HEXB: variants seen among roughly 807,000 people sequenced by gnomAD.
HEXB encodes the protein beta-hexosaminidase subunit beta.
A neutral mutation model predicts 71.2 loss-of-function variants in HEXB; 51 were observed. The ratio of observed to expected loss-of-function variants is 0.72; its 90% CI spans 0.57 to 0.90. The LOEUF (loss-of-function observed/expected upper bound fraction) is 0.90, where lower values mean the gene tolerates loss of function less well. HEXB is among the 40% of genes least tolerant of loss of function. HEXB has a pLI of 0.00. For missense variants in HEXB, 617 were observed against 677.0 expected, an observed-to-expected ratio of 0.91 and a Z score of 0.98; for synonymous variants, 266 against 249.3, an observed-to-expected ratio of 1.07 and a Z score of -0.63.
intron 1 of HEXB, among the ~76,000 whole-genome samples, chr5:74,662,843 C>T (rs1435750690): frequency 2.0e-5 from 3 of 152,110 alleles, no homozygotes; most frequent in African/African-American, 4.8e-5. Flanking sequence ...CAGAAACAAA[C>T]CTCATTTTAC....
intron 5 of HEXB, among the ~76,000 whole-genome samples, chr5:74,701,934 C>T (rs1446002178): frequency 1.3e-5 from 2 of 152,086 alleles, no homozygotes; most frequent in African/African-American, 4.8e-5. Flanking sequence ...ATCTAATACG[C>T]AGACCCCATT....
intron 1 of HEXB, among the ~76,000 whole-genome samples, chr5:74,674,369 C>T (rs960276649): frequency 6.6e-6 from 1 of 151,708 alleles, no homozygotes; most frequent in Non-Finnish European, 1.5e-5. Context: ...TTTGGGAGGC[C>T]GAGGCGGGCA....
chr5:74,692,888 A>C (rs1749034360), intron 2 of HEXB, among the ~76,000 whole-genome samples: 2 of 152,362 alleles, frequency 1.3e-5, no homozygotes, highest in South Asian at 4.1e-4. Flanking sequence ...CTAAAAGACT[A>C]AATGACTATT....
At chr5:74,660,077 AT>A (rs1197746570) in intron 1 of HEXB, among the ~76,000 whole-genome samples, 1 of 152,064 alleles carries the variant, frequency 6.6e-6, no homozygotes, top group East Asian at 1.9e-4. Flanking sequence ...TGTAAAAAAA[AT>A]AAATGAATAA....
At chr5:74,655,023 G>A (rs569983684) in intron 1 of HEXB, among the ~76,000 whole-genome samples, 1 of 152,276 alleles carries the variant, frequency 6.6e-6, no homozygotes, top group East Asian at 1.9e-4. Context: ...GGATCCCACA[G>A]GCACAGGAGC....
At chr5:74,713,989 C>T (rs750873070) in intron 7 of HEXB, among the ~76,000 whole-genome samples, 4 of 152,130 alleles carry the variant, frequency 2.6e-5, no homozygotes, top group Non-Finnish European at 5.9e-5. Context: ...TACAGGCGCC[C>T]GCCACCACGC....
chr5:74,716,707 G>A, intron 9 of HEXB, 34 bp downstream of exon 9: 1 of 1,305,340 alleles, frequency 7.7e-7, no homozygotes, highest in Non-Finnish European at 1.1e-6. Context: ...CTGTATTAAT[G>A]CTTTTTGTAA....
chr5:74,667,754 T>C (rs1748459975), intron 1 of HEXB, among the ~76,000 whole-genome samples: 1 of 152,160 alleles, frequency 6.6e-6, no homozygotes, highest in Admixed American at 6.5e-5. Context: ...GATCCAATCA[T>C]TCCCTAACCC....
In HEXB at chr5:74,721,282, G is replaced by A. The variant is rs564717043; in HGVS notation, c.*107G>A. On this transcript the variant is annotated 3_prime_UTR_variant, in exon 14 of 14. Coordinates refer to ENST00000261416, the MANE Select transcript of HEXB (RefSeq NM_000521.4). ...GTTTTTTGAATAAAATATTTTTATTGATTGAACCTTTGACCCTCTATCTTA... is the reference window on the plus strand; with the variant it reads ...GTTTTTTGAATAAAATATTTTTATTAATTGAACCTTTGACCCTCTATCTTA... 47 of 948,146 alleles carry A rather than the reference G, an allele frequency of 5.0e-5. No individual in the cohort carries two copies. In the East Asian group the frequency reaches 8.1e-4, roughly 16 times the overall value. 58.7% of individuals were successfully genotyped at this position (948,146 alleles called of 1,614,324 possible).
intron 2 of HEXB, chr5:74,689,695 A>G: frequency 1.7e-6 from 1 of 579,610 alleles, no homozygotes; most frequent in South Asian, 2.0e-5. Flanking sequence ...TAAATCACTC[A>G]TAATCCCAGC....
chr5:74,694,117 C>T (rs1749060729), intron 3 of HEXB, among the ~76,000 whole-genome samples: 1 of 152,166 alleles, frequency 6.6e-6, no homozygotes, highest in Non-Finnish European at 1.5e-5. Context: ...CTAGATCACA[C>T]CACTGCATTC....
chr5:74,684,350 G>A (rs766644324), upstream of HEXB, among the ~76,000 whole-genome samples: 2 of 152,300 alleles, frequency 1.3e-5, no homozygotes, highest in Non-Finnish European at 2.9e-5. Context: ...TTTATATCGG[G>A]ACCCACACAG....
In HEXB at chr5:74,652,679, C is replaced by G. The variant is rs75543690; in HGVS notation, c.-377+12121C>G. Among the ~76,000 whole-genome samples, 33 of 152,194 alleles carry G rather than the reference C, an allele frequency of 2.2e-4. No homozygotes were observed. In the East Asian group the frequency reaches 5.4e-3, roughly 25 times the overall value. The stretch of plus-strand genomic sequence containing the variant: ...CCCCCACTACCCCCAGGATTGTGTC[C>G]AAGTTCCAAAGTGTTCTTGAGCAGC... On this transcript the variant is annotated intron_variant, in intron 1 of 13. Transcript: ENST00000511181. This position sits in a 1 kb window ranked among gnomAD's most constrained non-coding sequence, Gnocchi z 5.4.
At chr5:74,651,080 C>G (rs1285712388) in intron 1 of HEXB, among the ~76,000 whole-genome samples, 1 of 152,114 alleles carries the variant, frequency 6.6e-6, no homozygotes, top group Non-Finnish European at 1.5e-5. Context: ...GTAATATGAC[C>G]ATTCATAGAG....
upstream of HEXB, chr5:74,685,195 G>A: frequency 7.0e-7 from 1 of 1,431,074 alleles, no homozygotes; most frequent in Non-Finnish European, 9.1e-7. Flanking sequence ...TCTGATCCGG[G>A]CCGGGCGGGA....
chr5:74,653,497 C>T (rs916837226), intron 1 of HEXB, among the ~76,000 whole-genome samples: 15 of 152,200 alleles, frequency 9.9e-5, no homozygotes, highest in African/African-American at 3.4e-4. Flanking sequence ...AAAAGCCAAC[C>T]TTCCAGGCCA....
chr5:74,674,467 G>T (rs954777888), intron 1 of HEXB, among the ~76,000 whole-genome samples: 38 of 152,026 alleles, frequency 2.5e-4, no homozygotes, highest in Non-Finnish European at 4.3e-4. Flanking sequence ...AGCCAGGTAT[G>T]GTGGCAGGCG....
chr5:74,699,078 G>A (rs753437915), intron 5 of HEXB, among the ~76,000 whole-genome samples: 28 of 152,112 alleles, frequency 1.8e-4, no homozygotes, highest in Non-Finnish European at 3.1e-4. Context: ...CCAGCTACTT[G>A]GGAGGCTGAG....
At chr5:74,705,889 G>A (rs1455323749) in intron 6 of HEXB, 1 of 156,522 alleles carries the variant, frequency 6.4e-6, no homozygotes, top group Non-Finnish European at 1.4e-5. Context: ...GATGTGCCTT[G>A]TGTAAAGTTG....
Sources: gnomAD v4.1 joint callset for allele counts (sites outside exome capture counted in the v4.1 genomes callset) on GRCh38, gnomAD v4.1.1 for gene constraint, Gnocchi (gnomAD v3.1) non-coding constraint, MANE v1.5 for transcripts, NCBI Gene and HGNC (gene_info 2026-07-23, HGNC 2026-07-21) for gene names.